Variants in MYL1 observed in about 807,000 individuals in gnomAD.
The protein encoded by MYL1 is myosin light chain 1.
A neutral mutation model predicts 21.8 loss-of-function variants in MYL1; 16 were observed. The observed-to-expected ratio is 0.74, with a 90% CI of 0.50 to 1.12. The LOEUF (loss-of-function observed/expected upper bound fraction) is 1.12. Among genes scored for constraint, MYL1 ranks in the 50% most tolerant of loss-of-function variants. The pLI, the probability that MYL1 is intolerant of heterozygous loss-of-function variation, is 0.00. For missense variants in MYL1, 246 were observed against 241.0 expected (o/e 1.02, Z -0.14); for synonymous variants, 99 against 85.2 (o/e 1.16, Z -0.89).
intron 2 of MYL1, among the ~76,000 whole-genome samples, chr2:210,300,348 A>G (rs1265823494): frequency 6.6e-6 from 1 of 152,174 alleles, no homozygotes; most frequent in Non-Finnish European, 1.5e-5. Flanking sequence ...TGAAGAATTA[A>G]TACCAGGGCT....
chr2:210,292,983 CCT>C (rs1690103893), intron 5 of MYL1, among the ~76,000 whole-genome samples: 1 of 151,974 alleles, frequency 6.6e-6, no homozygotes, highest in Admixed American at 6.6e-5. Context: ...TTCTTTTTGT[CCT>C]CTTCTCCCTC....
At position 210,298,460 on chromosome 2, in the gene MYL1, A is replaced by T. The variant is rs145306902; in HGVS notation, c.264T>A (p.Asn88Lys). The T allele has an allele frequency of 5.0e-6, 8 of 1,613,918 alleles. No homozygotes were observed. In the South Asian group the frequency reaches 8.8e-5, roughly 18 times the overall value. The change falls in exon 3 of 7, where the codon AAT becomes AAA. Residue 88 changes from asparagine (N) to lysine (K), a missense_variant. Physicochemically the swap from Asn to Lys is moderately conservative, Grantham distance 94 (BLOSUM62 0). Coordinates refer to ENST00000352451, the MANE Select transcript of MYL1 (RefSeq NM_079420.3). ...VLRALGTNPT[N>K]AEVRKVLGNP... ...TTCCCAGAACTTTCCTGACCTCTGC[A>T]TTGGTGGGATTTGTGCCCAGAGCTC...
intron 1 of MYL1, among the ~76,000 whole-genome samples, chr2:210,311,327 C>T (rs971597002): frequency 6.6e-6 from 1 of 152,036 alleles, no homozygotes; most frequent in Non-Finnish European, 1.5e-5. Flanking sequence ...CCACTGAATA[C>T]CCATCAGTAA....
At chr2:210,303,578 G>A (rs1378480665) in intron 1 of MYL1, 1 of 1,610,440 alleles carries the variant, frequency 6.2e-7, no homozygotes, top group South Asian at 1.1e-5. Flanking sequence ...CAGCAGGGAA[G>A]CTGAAGAGTG....
rs193087046 is a variant in MYL1 at position 210,306,513 on chromosome 2, T to C, written c.133-3998A>G. ...AGTTGTTAACTGTTTCACCCTAGTC[T>C]TTCTCCATACCTTTATCACATAGAG... On this transcript the variant is annotated intron_variant, in intron 1 of 6. Coordinates refer to ENST00000352451, the MANE Select transcript of MYL1 (RefSeq NM_079420.3). Among the ~76,000 whole-genome samples, 820 of 152,324 alleles carry C rather than the reference T, an allele frequency of 5.4e-3. 10 individuals carry two copies. Among genetic ancestry groups the C allele is most frequent in the African/African-American group, 0.019 (776 of 41,566 alleles).
At chr2:210,291,625 C>T (rs1203361298) in intron 5 of MYL1, among the ~76,000 whole-genome samples, 2 of 152,118 alleles carry the variant, frequency 1.3e-5, no homozygotes, top group Admixed American at 6.6e-5. Flanking sequence ...GTTTTGTATT[C>T]CTTTTTTCAA....
At chr2:210,297,407 G>C (rs1055937419) in intron 3 of MYL1, among the ~76,000 whole-genome samples, 1 of 151,594 alleles carries the variant, frequency 6.6e-6, no homozygotes, top group Non-Finnish European at 1.5e-5. Flanking sequence ...CATTTCCCTG[G>C]TAATTAGTGA....
chr2:210,309,279 A>AGGAATTGAAC (rs56333158), intron 1 of MYL1, among the ~76,000 whole-genome samples: 2 of 151,986 alleles, frequency 1.3e-5, no homozygotes, highest in East Asian at 1.9e-4. Flanking sequence ...TTAGATAAAC[A>AGGAATTGAAC]AAACATAACT....
chr2:210,301,922 G>C (rs1354572210), intron 2 of MYL1, among the ~76,000 whole-genome samples: 2 of 152,158 alleles, frequency 1.3e-5, no homozygotes, highest in East Asian at 3.8e-4. Flanking sequence ...TCTGGAGTCT[G>C]TCTTGCATAT....
intron 2 of MYL1, among the ~76,000 whole-genome samples, chr2:210,298,857 A>G (rs1453576629): frequency 6.6e-6 from 1 of 152,132 alleles, no homozygotes; most frequent in Non-Finnish European, 1.5e-5. Context: ...CTGCCTGGAA[A>G]CCTGGATTGG....
intron 5 of MYL1, 84 bp downstream of exon 5, chr2:210,293,639 A>G: frequency 9.2e-7 from 1 of 1,086,802 alleles, no homozygotes; most frequent in Non-Finnish European, 1.4e-6. Flanking sequence ...ATAAGGAAGG[A>G]AGAGGAAAAG....
chr2:210,293,690 G>A, intron 5 of MYL1, 33 bp downstream of exon 5: 3 of 1,592,184 alleles, frequency 1.9e-6, no homozygotes, highest in Non-Finnish European at 2.6e-6. Context: ...TCAGTTAAGA[G>A]TTGCTGTAAC....
intron 5 of MYL1, among the ~76,000 whole-genome samples, chr2:210,292,279 G>A (rs1690089423): frequency 6.6e-6 from 1 of 151,980 alleles, no homozygotes; most frequent in Non-Finnish European, 1.5e-5. Flanking sequence ...CACCATGCTG[G>A]CCAGTCTGGT....
At chr2:210,305,406 A>G (rs1690325277) in intron 1 of MYL1, among the ~76,000 whole-genome samples, 1 of 152,224 alleles carries the variant, frequency 6.6e-6, no homozygotes, top group South Asian at 2.1e-4. Flanking sequence ...TGGAAGGGAA[A>G]GACAAAGGTG....
chr2:210,297,015 GTACATATATATATATATA>G (rs1460075883), intron 3 of MYL1, among the ~76,000 whole-genome samples: 1 of 42,498 alleles, frequency 2.4e-5, no homozygotes, highest in Non-Finnish European at 5.0e-5. Context: ...GTGTGTGTGT[GTACATATATATATATATA>G]TATACATATA....
intron 3 of MYL1, among the ~76,000 whole-genome samples, chr2:210,296,991 T>TTGTGTGTGTGTGTG (rs36073440): frequency 6.7e-4 from 96 of 143,240 alleles, no homozygotes; most frequent in African/African-American, 2.2e-3. Flanking sequence ...TAGTATTCCA[T>TTGTGTGTGTGTGTG]TGTGTGTGTG....
chr2:210,312,715 G>A (rs1245002587), intron 1 of MYL1, among the ~76,000 whole-genome samples: 1 of 151,704 alleles, frequency 6.6e-6, no homozygotes, highest in Non-Finnish European at 1.5e-5. Context: ...CTTCTGGATG[G>A]AAGATAAAGG....
At chr2:210,300,131 C>A (rs13416656) in intron 2 of MYL1, among the ~76,000 whole-genome samples, 2,686 of 152,218 alleles carry the variant, frequency 0.018, 72 homozygotes, top group African/African-American at 0.06. Context: ...TGAAACTGAA[C>A]TATTCTTGTT....
intron 3 of MYL1, 114 bp downstream of exon 3, chr2:210,298,306 T>C: frequency 8.9e-7 from 1 of 1,125,208 alleles, no homozygotes; most frequent in South Asian, 1.7e-5. Flanking sequence ...TTTCTCTCTC[T>C]CACACACACA....
Sources: gnomAD v4.1 joint callset for allele counts (sites outside exome capture counted in the v4.1 genomes callset) on GRCh38, gnomAD v4.1.1 for gene constraint, MANE v1.5 for transcripts, NCBI Gene and HGNC (gene_info 2026-07-23, HGNC 2026-07-21) for gene names.